SCN4A: variants seen among roughly 807,000 people sequenced by gnomAD.
SCN4A encodes the protein sodium channel protein type 4 subunit alpha.
Under a neutral mutation model 162.0 loss-of-function variants are expected in SCN4A, and 83 were observed. The observed-to-expected ratio is 0.51, with a 90% confidence interval of 0.43 to 0.61. The LOEUF (loss-of-function observed/expected upper bound fraction) is 0.61. Among genes scored for constraint, SCN4A ranks in the 20% least tolerant of loss-of-function variants. SCN4A has a pLI of 0.00. For synonymous variants in SCN4A, 944 were observed against 985.1 expected, an observed-to-expected ratio of 0.96 and a Z score of 0.78; for missense variants, 2,196 against 2,462.5, an observed-to-expected ratio of 0.89 and a Z score of 2.29.
rs773739021 is a variant in SCN4A, at chr17:63,945,652, G to T, written c.3442-14C>A. 7 of 1,613,530 alleles carry T rather than the reference G, an allele frequency of 4.3e-6. No individual in the cohort carries two copies. Among genetic ancestry groups the T allele is most frequent in the Non-Finnish European group, 5.9e-6 (7 of 1,179,740 alleles). ...GTTCACCACCACCTGGGGGCCAGGG[G>T]GTCCATTGCCAGTGCCTCTCCCAGC... is the stretch of plus-strand genomic sequence containing the variant. On this transcript the variant is annotated splice_polypyrimidine_tract_variant and intron_variant, in intron 18 of 23. Transcript: ENST00000435607. The surrounding 1 kb of genome is among the most constrained non-coding windows in gnomAD (Gnocchi z 4.4).
In SCN4A at chr17:63,951,425, T is replaced by C. The variant is rs773133732; in HGVS notation, c.2852A>G (p.Lys951Arg). ...TDTFSEPEDS[K>R]KPPQPLYDGN... ...GTCTGAGCCCCAGCCCCGGCTCACC[T>C]TGCTATCCTCAGGCTCTGAGAAAGT... The change falls in exon 14 of 24, where the codon AAG becomes AGG. Residue 951 changes from lysine to arginine, a missense_variant and splice_region_variant. Transcript: ENST00000435607. The surrounding 1 kb of genome is among the most constrained non-coding windows in gnomAD (Gnocchi z 4.5). 1.9e-6 allele frequency: 3 copies of C among 1,590,036 alleles called. No homozygotes were observed. Among genetic ancestry groups the C allele is most frequent in the Non-Finnish European group, 2.6e-6 (3 of 1,163,494 alleles).
Position 63,966,525 on chromosome 17 carries a change from C to T in SCN4A, c.1056G>A (p.Glu352=). ...ISDEGNFYFL[E]GSNDALLCGN... ...CACAGAGCAGGGCATCGTTGGAGCC[C>T]TCCAGGAAGTAGAAGTTCCCTTTGG... Residue 352 remains glutamate (E), a synonymous_variant, in exon 7 of 24, where the codon GAG becomes GAA. Transcript: ENST00000435607. 6.2e-7 allele frequency: 1 copy of T among 1,613,872 alleles called. No individual in the cohort carries two copies. The highest frequency in any genetic ancestry group is 8.5e-7 in the Non-Finnish European group (1 of 1,179,864).
intron 18 of SCN4A, 139 bp downstream of exon 18, chr17:63,946,906 G>T: frequency 1.2e-6 from 1 of 815,334 alleles, no homozygotes; most frequent in Non-Finnish European, 1.9e-6. Flanking sequence ...GCCAGACCTG[G>T]CCTCAGGCAG....
At chr17:63,959,217 C>T (rs199786315) in intron 12 of SCN4A, 48 bp downstream of exon 12, 532 of 1,554,934 alleles carry the variant, frequency 3.4e-4, no homozygotes, top group Non-Finnish European at 4.4e-4. Flanking sequence ...TCCTTAGTCT[C>T]CTCACCCCAC....
rs997087984 is a variant in SCN4A at position 63,966,486 on chromosome 17, A to G, written c.1095T>C (p.Asp365=). 1 of 1,613,800 alleles carries G rather than the reference A, an allele frequency of 6.2e-7. No individual in the cohort carries two copies. The highest frequency in any genetic ancestry group is 1.1e-5 in the South Asian group (1 of 91,080). The change falls in exon 7 of 24, where the codon GAT becomes GAC. Residue 365 remains aspartate (D), a synonymous_variant. Transcript: ENST00000435607. ...NDALLCGNSS[D]AGHCPEGYEC... ...CATCCCTTAGCATCACTCACCCAGCATCACTGCTGTTCCCACAGAGCAGGG... is the reference window on the plus strand; with the variant it reads ...CATCCCTTAGCATCACTCACCCAGCGTCACTGCTGTTCCCACAGAGCAGGG...
intron 5 of SCN4A, among the ~76,000 whole-genome samples, chr17:63,969,668 G>C (rs1909558848): frequency 1.3e-5 from 2 of 151,760 alleles, no homozygotes; most frequent in African/African-American, 4.9e-5. Flanking sequence ...TTTTGAGATA[G>C]AGTCTCGCTC....
Position 63,941,383 on chromosome 17 carries a change from C to T in SCN4A, c.4899G>A (p.Gln1633=), listed in dbSNP as rs766591413. Residue 1633 remains glutamine, a synonymous_variant, in exon 24 of 24, where the codon CAG becomes CAA. Coordinates refer to ENST00000435607, the MANE Select transcript of SCN4A (RefSeq NM_000334.4). The surrounding 1 kb of genome is among the most constrained non-coding windows in gnomAD (Gnocchi z 6.2). ...CTGAGAGGCGGCTGTAGGCGATGAACTGGGTGGCGTCGGGGTCGAACTTCT... is the reference window on the plus strand; with the variant it reads ...CTGAGAGGCGGCTGTAGGCGATGAATTGGGTGGCGTCGGGGTCGAACTTCT... ...TWEKFDPDAT[Q]FIAYSRLSDF... The T allele has an allele frequency of 6.2e-7, 1 of 1,613,932 alleles. No individual in the cohort carries two copies. The highest frequency in any genetic ancestry group is 2.2e-5 in the East Asian group (1 of 44,874).
chr17:63,957,520 T>G lies in SCN4A; in HGVS notation c.2020-2A>C. The G allele has an allele frequency of 6.2e-7, 1 of 1,607,284 alleles. No individual in the cohort carries two copies. Among genetic ancestry groups the G allele is most frequent in the South Asian group, 1.1e-5 (1 of 90,706 alleles). ...CTTGGCCAGCTTGAAGACCCGCAGC[T>G]GCCAAGCAGGGAGGGCAAGGGTGAA... On this transcript the variant is annotated splice_acceptor_variant, in intron 12 of 23. Coordinates refer to ENST00000435607, the MANE Select transcript of SCN4A (RefSeq NM_000334.4). LOFTEE classifies it high-confidence loss of function.
In SCN4A at chr17:63,957,340, A is replaced by G. The variant is rs753865616; in HGVS notation, c.2198T>C (p.Ile733Thr). 12 of 1,614,020 alleles carry G rather than the reference A, an allele frequency of 7.4e-6. No individual in the cohort carries two copies. Among genetic ancestry groups the G allele is most frequent in the African/African-American group, 4.0e-5 (3 of 74,948 alleles). Residue 733 changes from isoleucine to threonine, a missense_variant, in exon 13 of 24, where the codon ATT becomes ACT. Coordinates refer to ENST00000435607, the MANE Select transcript of SCN4A (RefSeq NM_000334.4). ...GKSYKECVCK[I>T]ALDCNLPRWH... is the part of the protein sequence containing the mutation. ...GCGCGGCAGGTTGCAGTCCAAGGCA[A>G]TCTTGCACACGCACTCCTTGTAGCT...
chr17:63,942,818 C>T lies in SCN4A; in HGVS notation c.4288+8G>A, dbSNP rs1908585758. ...TGCTGCCCTGCCGGTCCAGCCCGCC[C>T]CGCTCACCCACAATGGACAGGATGA... On this transcript the variant is annotated splice_region_variant and intron_variant, in intron 23 of 23. Transcript: ENST00000435607. 2 of 1,611,896 alleles carry T rather than the reference C, an allele frequency of 1.2e-6. No homozygotes were observed. The highest frequency in any genetic ancestry group is 3.3e-4 in the Middle Eastern group (2 of 6,054).
chr17:63,960,918 C>A (rs575591834), intron 11 of SCN4A, among the ~76,000 whole-genome samples: 2 of 151,872 alleles, frequency 1.3e-5, no homozygotes, highest in African/African-American at 4.8e-5. Flanking sequence ...GGTCTGGATC[C>A]CAGATCCCCA....
At chr17:63,949,169 C>T (rs1267155927) in intron 15 of SCN4A, among the ~76,000 whole-genome samples, 1 of 152,236 alleles carries the variant, frequency 6.6e-6, no homozygotes, top group East Asian at 1.9e-4. Flanking sequence ...GGAGCTGACA[C>T]CCACACTCCT....
intron 5 of SCN4A, among the ~76,000 whole-genome samples, chr17:63,970,376 A>G (rs1444703544): frequency 6.6e-6 from 1 of 152,184 alleles, no homozygotes; most frequent in Non-Finnish European, 1.5e-5. Context: ...AAGGAAACTG[A>G]GACATGGACA....
At position 63,946,897 on chromosome 17, in the gene SCN4A, C is replaced by T. The variant is rs1237524063; in HGVS notation, c.3441+148G>A. ...GGAGGACAGCTAGGGGAGGTGGGGG[C>T]CAGACCTGGCCTCAGGCAGGGCCGT... On this transcript the variant is annotated intron_variant, in intron 18 of 23. Coordinates refer to ENST00000435607, the MANE Select transcript of SCN4A (RefSeq NM_000334.4). The T allele has an allele frequency of 1.5e-5, 11 of 754,468 alleles. No individual in the cohort carries two copies. In the East Asian group the frequency reaches 2.5e-4, roughly 17 times the overall value. The allele number at this position is 754,468 out of a possible 1,614,324, so 46.7% of individuals were successfully genotyped here.
At chr17:63,953,316 C>T (rs536260679) in intron 13 of SCN4A, among the ~76,000 whole-genome samples, 31 of 151,514 alleles carry the variant, frequency 2.0e-4, no homozygotes, top group Non-Finnish European at 3.1e-4. Context: ...GTCGAGATCA[C>T]GCCATTGCAC....
At position 63,940,908 on chromosome 17, in the gene SCN4A, G is replaced by GAGAGCT; in HGVS notation, c.5373_5374insAGCTCT (p.Ser1791_Pro1792insSerSer). 4 of 1,613,930 alleles carry GAGAGCT rather than the reference G, an allele frequency of 2.5e-6. No homozygotes were observed. In the South Asian group the frequency reaches 4.4e-5, roughly 18 times the overall value. ...TCCCCTGCCTCGCCCTTCTCCTCCGGGCTTGGCGAGCTGCTGTTCCCATTC... is the reference window on the plus strand; with the variant it reads ...TCCCCTGCCTCGCCCTTCTCCTCCGGAGAGCTGCTTGGCGAGCTGCTGTTCCCATTC... On this transcript the variant is annotated inframe_insertion, in exon 24 of 24. Transcript: ENST00000435607.
chr17:63,946,365 G>A (rs1342154450), intron 18 of SCN4A, among the ~76,000 whole-genome samples: 1 of 152,052 alleles, frequency 6.6e-6, no homozygotes, highest in Non-Finnish European at 1.5e-5. Flanking sequence ...CCGCTTGGGG[G>A]GGCTCGCCAT....
intron 13 of SCN4A, among the ~76,000 whole-genome samples, chr17:63,955,842 C>G (rs1025245897): frequency 1.3e-5 from 2 of 152,346 alleles, no homozygotes; most frequent in South Asian, 2.1e-4. Flanking sequence ...CCTTCCCTCT[C>G]TTGGTGCTGC....
intron 23 of SCN4A, 83 bp from the exon 24 acceptor site, chr17:63,942,076 C>T (rs1355143156): frequency 2.2e-6 from 3 of 1,349,400 alleles, no homozygotes; most frequent in South Asian, 1.5e-5. Flanking sequence ...GCTCAGGGGG[C>T]CCGGCCTGGT....
Sources: gnomAD v4.1 joint callset for allele counts (sites outside exome capture counted in the v4.1 genomes callset) on GRCh38, gnomAD v4.1.1 for gene constraint, Gnocchi (gnomAD v3.1) non-coding constraint, MANE v1.5 for transcripts, NCBI Gene and HGNC (gene_info 2026-07-23, HGNC 2026-07-21) for gene names.